Variants in PCSK9 observed in about 807,000 individuals in gnomAD.
PCSK9 encodes the protein convertase subtilisin/kexin type 9 preproprotein.
A neutral mutation model predicts 62.1 loss-of-function variants in PCSK9; 57 were observed. The ratio of observed to expected loss-of-function variants is 0.92; its 90% CI spans 0.74 to 1.14. PCSK9 has a LOEUF of 1.14. Ranked by LOEUF, PCSK9 falls within the 50% of genes most tolerant of loss-of-function variation. The probability of loss-of-function intolerance (pLI) is 0.00; values close to 1 mark genes in which losing one functional copy is unlikely to be tolerated. For synonymous variants in PCSK9, 387 were observed against 409.4 expected, an observed-to-expected ratio of 0.95 and a Z score of 0.66; for missense variants, 870 against 959.8, an observed-to-expected ratio of 0.91 and a Z score of 1.24.
chr1:55,057,963 C>A, intron 7 of PCSK9, 73 bp from the exon 8 acceptor site: 1 of 1,576,140 alleles, frequency 6.3e-7, no homozygotes, highest in Non-Finnish European at 8.7e-7. Flanking sequence ...TGCGTGTGTG[C>A]ACTGGCAGGA....
rs1644637251 is a variant in PCSK9 at position 55,046,642 on chromosome 1, C to T, written c.519C>T (p.Pro173=). ...GGTACCGGGCGGATGAATACCAGCC[C>T]CCCGGTAAGACCCCCATCTGTGCCC... ...PPRYRADEYQ[P]PDGGSLVEVY... The change falls in exon 3 of 12, where the codon CCC becomes CCT. Residue 173 remains proline, a synonymous_variant. Coordinates refer to ENST00000302118, the MANE Select transcript of PCSK9 (RefSeq NM_174936.4). The T allele has an allele frequency of 2.5e-6, 4 of 1,613,750 alleles. No individual in the cohort carries two copies. The highest frequency in any genetic ancestry group is 2.2e-5 in the East Asian group (1 of 44,870).
At chr1:55,062,357 C>T (rs1644766460) in intron 11 of PCSK9, among the ~76,000 whole-genome samples, 1 of 152,204 alleles carries the variant, frequency 6.6e-6, no homozygotes, top group African/African-American at 2.4e-5. Flanking sequence ...AAAAGACAGT[C>T]TTGGTCTTGG....
At chr1:55,051,372 CGCAGGACTCT>C in intron 3 of PCSK9, 1 of 353,670 alleles carries the variant, frequency 2.8e-6, no homozygotes, top group Non-Finnish European at 5.5e-6. Flanking sequence ...TTTCCGCTGG[CGCAGGACTCT>C]GCTAGCAGCA....
intron 11 of PCSK9, 114 bp from the exon 12 acceptor site, chr1:55,063,255 C>G (rs907854492): frequency 3.5e-6 from 4 of 1,152,610 alleles, no homozygotes; most frequent in South Asian, 2.7e-5. Context: ...TCTGAGCCAG[C>G]GAGGGCCGTC....
At position 55,046,540 on chromosome 1, in the gene PCSK9, T is replaced by G. The variant is rs1416248785; in HGVS notation, c.417T>G (p.His139Gln). 2 of 1,614,030 alleles carry G rather than the reference T, an allele frequency of 1.2e-6. No individual in the cohort carries two copies. Among genetic ancestry groups the G allele is most frequent in the African/African-American group, 2.7e-5 (2 of 74,916 alleles). Residue 139 changes from histidine (H) to glutamine (Q), a missense_variant, in exon 3 of 12, where the codon CAT (histidine) becomes CAG (glutamine). Coordinates refer to ENST00000302118, the MANE Select transcript of PCSK9 (RefSeq NM_174936.4). Reference sequence around the variant, plus strand: ...TTCTGCAGGCCTTGAAGTTGCCCCATGTCGACTACATCGAGGAGGACTCCT... The same window carrying G: ...TTCTGCAGGCCTTGAAGTTGCCCCAGGTCGACTACATCGAGGAGGACTCCT... ...DLLELALKLP[H>Q]VDYIEEDSSV...
Position 55,063,670 on chromosome 1 carries a change from C to T in PCSK9, c.*86C>T. 1.4e-6 allele frequency: 2 copies of T among 1,419,814 alleles called. No homozygotes were observed. Among genetic ancestry groups the T allele is most frequent in the Non-Finnish European group, 1.9e-6 (2 of 1,054,652 alleles). The allele number at this position is 1,419,814 out of a possible 1,614,324, so 88.0% of individuals were successfully genotyped here. A position where few individuals can be genotyped will look rare whatever the true frequency, so the allele number is the denominator to read the frequency against. ...GGTTCCGACTTGTCCCTCTCTCAGC[C>T]CTCCATGGCCTGGCACGAGGGGATG... On this transcript the variant is annotated 3_prime_UTR_variant, in exon 12 of 12. Transcript: ENST00000302118.
intron 9 of PCSK9, 49 bp from the exon 10 acceptor site, chr1:55,059,437 T>G: frequency 6.5e-7 from 1 of 1,545,900 alleles, no homozygotes; most frequent in Non-Finnish European, 8.8e-7. Context: ...TTTCTGTGTT[T>G]TCAAAGCCCA....
rs35115360 is a variant in PCSK9 at position 55,058,666 on chromosome 1, C to CGTGTGTGTGTGT, written c.1503+60_1503+71dup. On this transcript the variant is annotated intron_variant, in intron 9 of 11. Coordinates refer to ENST00000302118, the MANE Select transcript of PCSK9 (RefSeq NM_174936.4). ...CATGGAGGTGACTGTACCCCTCCTT[C>CGTGTGTGTGTGT]GTGTGTGTGTGTGTGTGTGTGTGTG... 1.4e-5 allele frequency: 21 copies of CGTGTGTGTGTGT among 1,535,336 alleles called. No individual in the cohort carries two copies. The highest frequency in any genetic ancestry group is 1.6e-5 in the Non-Finnish European group (18 of 1,134,248).
Position 55,039,578 on chromosome 1 carries a change from GGGCGC to G in PCSK9, c.-259_-255del. The G allele has an allele frequency of 1.7e-6, 1 of 573,926 alleles. No homozygotes were observed. The highest frequency in any genetic ancestry group is 3.1e-5 in the Admixed American group (1 of 32,544). The allele number at this position is 573,926 out of a possible 1,614,324, so 35.6% of individuals were successfully genotyped here. A position where few individuals can be genotyped will look rare whatever the true frequency, so the allele number is the denominator to read the frequency against. The stretch of plus-strand genomic sequence containing the variant: ...CGTCGAGGCGCTCATGGTTGCAGGC[GGGCGC>G]CGCCGTTCAGTTCAGGGTCTGAGCC... On this transcript the variant is annotated 5_prime_UTR_variant, in exon 1 of 12. An upstream open reading frame in the 5' UTR loses its in-frame stop. Coordinates refer to ENST00000302118, the MANE Select transcript of PCSK9 (RefSeq NM_174936.4).
chr1:55,059,800 A>G, intron 10 of PCSK9, 137 bp downstream of exon 10: 1 of 1,151,090 alleles, frequency 8.7e-7, no homozygotes. Context: ...TGGTTCTGCC[A>G]CTTCCATGCC....
In PCSK9 at chr1:55,043,921, C is replaced by A; in HGVS notation, c.286C>A (p.Arg96Ser). Reference sequence around the variant, plus strand: ...CCTCTCGCAGTCAGAGCGCACTGCCCGCCGCCTGCAGGCCCAGGCTGCCCG... The same window carrying A: ...CCTCTCGCAGTCAGAGCGCACTGCCAGCCGCCTGCAGGCCCAGGCTGCCCG... ...THLSQSERTARRLQAQAARRG... is the reference protein window; with the variant it reads ...THLSQSERTASRLQAQAARRG... The change falls in exon 2 of 12, where the codon CGC (arginine) becomes AGC (serine). Residue 96 changes from arginine to serine, a missense_variant. Arg to Ser is a moderately radical substitution (Grantham distance 110). Coordinates refer to ENST00000302118, the MANE Select transcript of PCSK9 (RefSeq NM_174936.4). 1 of 1,614,186 alleles carries A rather than the reference C, an allele frequency of 6.2e-7. No individual in the cohort carries two copies. Among genetic ancestry groups the A allele is most frequent in the South Asian group, 1.1e-5 (1 of 91,086 alleles).
intron 3 of PCSK9, among the ~76,000 whole-genome samples, chr1:55,050,735 T>C (rs1020712883): frequency 6.6e-6 from 1 of 152,170 alleles, no homozygotes; most frequent in African/African-American, 2.4e-5. Flanking sequence ...CGACCTTGCC[T>C]GAAATTCATG....
intron 11 of PCSK9, among the ~76,000 whole-genome samples, chr1:55,061,981 C>A (rs1459130612): frequency 6.6e-6 from 1 of 152,208 alleles, no homozygotes; most frequent in Non-Finnish European, 1.5e-5. Flanking sequence ...AGCCGCTGCA[C>A]CTGGCCTCTC....
intron 3 of PCSK9, chr1:55,051,482 T>C: frequency 3.1e-6 from 1 of 318,938 alleles, no homozygotes; most frequent in South Asian, 2.4e-5. Flanking sequence ...CCTTTCTTCC[T>C]CTCTCCCTTC....
chr1:55,056,747 G>C (rs1016272428), intron 6 of PCSK9, among the ~76,000 whole-genome samples: 2 of 152,288 alleles, frequency 1.3e-5, no homozygotes, highest in East Asian at 1.9e-4. Context: ...CTGAGGAGCT[G>C]GGGGGCAGTG....
chr1:55,047,216 G>A (rs114587475), intron 3 of PCSK9, among the ~76,000 whole-genome samples: 3,020 of 152,244 alleles, frequency 0.02, 88 homozygotes, highest in African/African-American at 0.069. Flanking sequence ...GAGGAGGAGC[G>A]GCCATGGAAA....
intron 1 of PCSK9, among the ~76,000 whole-genome samples, chr1:55,042,605 G>A (rs969525621): frequency 2.0e-5 from 3 of 152,180 alleles, no homozygotes; most frequent in African/African-American, 7.2e-5. Context: ...GGGTGATGGG[G>A]CTGCAAGGTA....
intron 2 of PCSK9, among the ~76,000 whole-genome samples, chr1:55,045,955 C>CA (rs1553136167): frequency 4.6e-5 from 7 of 151,970 alleles, no homozygotes; most frequent in Non-Finnish European, 8.8e-5. Flanking sequence ...GGTGATCCCC[C>CA]ACCTCGGCCT....
intron 5 of PCSK9, among the ~76,000 whole-genome samples, chr1:55,054,470 G>C (rs1259091614): frequency 6.6e-6 from 1 of 152,190 alleles, no homozygotes; most frequent in East Asian, 1.9e-4. Context: ...CCCTCCCTCC[G>C]TGGTGTGAGG....
Sources: allele counts gnomAD v4.1 joint callset (sites outside exome capture counted in the v4.1 genomes callset), GRCh38; gene constraint gnomAD v4.1.1; transcripts MANE v1.5; gene names NCBI Gene and HGNC (gene_info 2026-07-23, HGNC 2026-07-21).